WDR33: variants seen among roughly 807,000 people sequenced by gnomAD.
WDR33 encodes WD repeat domain 33.
Under a neutral mutation model 164.9 loss-of-function variants are expected in WDR33, and 47 were observed. The observed-to-expected ratio is 0.29, with a 90% CI of 0.23 to 0.36. The LOEUF is 0.36. Ranked by LOEUF, WDR33 falls within the 10% of genes least tolerant of loss-of-function variation. WDR33 has a pLI of 1.00. For synonymous variants in WDR33, 505 were observed against 589.0 expected (o/e 0.86, Z 2.06); for missense variants, 1,137 against 1,754.1 (o/e 0.65, Z 6.28).
At chr2:127,796,160 C>T (rs1254525211) in intron 1 of WDR33, among the ~76,000 whole-genome samples, 2 of 151,170 alleles carry the variant, frequency 1.3e-5, no homozygotes, top group South Asian at 2.1e-4. Context: ...CAACCTTGAC[C>T]TCCTGGGCTC....
At chr2:127,750,317 C>T (rs774521484) in intron 7 of WDR33, among the ~76,000 whole-genome samples, 4 of 151,816 alleles carry the variant, frequency 2.6e-5, no homozygotes, top group African/African-American at 7.3e-5. Context: ...CATGAGCCAC[C>T]GCACCCAGCT....
chr2:127,763,616 A>G lies in WDR33; in HGVS notation c.627-457T>C, dbSNP rs1687741479. ...CTGAAACAATGTGGGCTGTCTATTA[A>G]AAGACTGATTGCTAAACATCCCTAC... is the stretch of plus-strand genomic sequence containing the variant. On this transcript the variant is annotated intron_variant, in intron 6 of 21. Coordinates refer to ENST00000322313, the MANE Select transcript of WDR33 (RefSeq NM_018383.5). This position sits in a 1 kb window ranked among gnomAD's most constrained non-coding sequence, Gnocchi z 4.5. 1 of 992,328 alleles carries G rather than the reference A, an allele frequency of 1.0e-6. No individual in the cohort carries two copies. Among genetic ancestry groups the G allele is most frequent in the Non-Finnish European group, 1.2e-6 (1 of 834,262 alleles). The allele number at this position is 992,328 out of a possible 1,614,324, so 61.5% of individuals were successfully genotyped here.
rs1208025584 is a variant in WDR33 at position 127,735,813 on chromosome 2, TC to T, written c.725-9037del. ...TATGCAATTTATTAGTATTTTACCTTCCTTTAATGCAAAATGATTTCACCAC... is the reference window on the plus strand; with the variant it reads ...TATGCAATTTATTAGTATTTTACCTTCTTTAATGCAAAATGATTTCACCAC... On this transcript the variant is annotated intron_variant, in intron 7 of 21. Coordinates refer to ENST00000322313, the MANE Select transcript of WDR33 (RefSeq NM_018383.5). The surrounding 1 kb of genome is among the most constrained non-coding windows in gnomAD (Gnocchi z 4.3). 1.0e-6 allele frequency: 1 copy of T among 985,334 alleles called. No individual in the cohort carries two copies. Among genetic ancestry groups the T allele is most frequent in the African/African-American group, 1.7e-5 (1 of 57,252 alleles). 61.0% of individuals were successfully genotyped at this position (985,334 alleles called of 1,614,324 possible).
At chr2:127,794,848 A>G (rs531469221) in intron 1 of WDR33, among the ~76,000 whole-genome samples, 2 of 149,064 alleles carry the variant, frequency 1.3e-5, no homozygotes, top group East Asian at 2.0e-4. Context: ...AAAAAAAAAA[A>G]AAAAGAAAGA....
rs1414715905 is a variant in WDR33, at chr2:127,723,275, C to T, written c.1269G>A (p.Met423Ile). Residue 423 changes from methionine to isoleucine, a missense_variant, in exon 12 of 22, where the codon ATG (methionine) becomes ATA (isoleucine). Physicochemically the swap from Met to Ile is conservative, Grantham distance 10. Around this residue, in one of 9 missense-constraint regions of WDR33, gnomAD observed 21 missense variants for 102.2 expected, o/e 0.21. Coordinates refer to ENST00000322313, the MANE Select transcript of WDR33 (RefSeq NM_018383.5). The surrounding 1 kb of genome is among the most constrained non-coding windows in gnomAD (Gnocchi z 5.9). ...DRYNLNLLPG[M>I]SEDGVEYDDL... Reference sequence around the variant, plus strand: ...CACCATATTCTACTCCATCTTCAGACATTCCAGGTAAAAGGTTTAGATTAT... The same window carrying T: ...CACCATATTCTACTCCATCTTCAGATATTCCAGGTAAAAGGTTTAGATTAT... 7 of 1,614,042 alleles carry T rather than the reference C, an allele frequency of 4.3e-6. No homozygotes were observed. The highest frequency in any genetic ancestry group is 4.5e-5 in the East Asian group (2 of 44,874).
chr2:127,715,700 A>T (rs1430339981), intron 17 of WDR33, among the ~76,000 whole-genome samples: 1 of 152,200 alleles, frequency 6.6e-6, no homozygotes, highest in Non-Finnish European at 1.5e-5. Flanking sequence ...TGGTGTAAGG[A>T]AGCTAAACAT....
At chr2:127,736,333 T>C (rs960230207) in intron 7 of WDR33, 1 of 985,288 alleles carries the variant, frequency 1.0e-6, no homozygotes, top group African/African-American at 1.7e-5. Context: ...TAACCTTTAA[T>C]TTGTAATGTG....
At chr2:127,790,745 G>C (rs1364212257) in intron 1 of WDR33, among the ~76,000 whole-genome samples, 6 of 151,674 alleles carry the variant, frequency 4.0e-5, no homozygotes. Context: ...CAAGTAGCTG[G>C]GACAATAAAC....
At position 127,723,770 on chromosome 2, in the gene WDR33, T is replaced by C. The variant is rs1418676900; in HGVS notation, c.1197-423A>G. On this transcript the variant is annotated intron_variant, in intron 11 of 21. Coordinates refer to ENST00000322313, the MANE Select transcript of WDR33 (RefSeq NM_018383.5). This position sits in a 1 kb window ranked among gnomAD's most constrained non-coding sequence, Gnocchi z 5.9. ...AGTGAGACTCTGTCTCTTAAAATAATAATAAAAATAAAAATAAAATGTGGG... is the reference window on the plus strand; with the variant it reads ...AGTGAGACTCTGTCTCTTAAAATAACAATAAAAATAAAAATAAAATGTGGG... 1.3e-5 allele frequency among the ~76,000 whole-genome samples: 2 copies of C among 150,860 alleles called. No homozygotes were observed. Among genetic ancestry groups the C allele is most frequent in the African/African-American group, 4.9e-5 (2 of 40,930 alleles).
chr2:127,714,303 TGA>T lies in WDR33; in HGVS notation c.2870-284_2870-283del. ...CATCTCTTAGTATACACTGGAAAAA[TGA>T]GAGAGCCTCCTGGGCTTCAGAAGGA... On this transcript the variant is annotated intron_variant, in intron 17 of 21. Coordinates refer to ENST00000322313, the MANE Select transcript of WDR33 (RefSeq NM_018383.5). This position sits in a 1 kb window ranked among gnomAD's most constrained non-coding sequence, Gnocchi z 4.3. 6.6e-6 allele frequency among the ~76,000 whole-genome samples: 1 copy of T among 152,298 alleles called. No individual in the cohort carries two copies. Among genetic ancestry groups the T allele is most frequent in the South Asian group, 2.1e-4 (1 of 4,820 alleles).
intron 7 of WDR33, among the ~76,000 whole-genome samples, chr2:127,731,853 A>G (rs1405045808): frequency 6.6e-6 from 1 of 152,156 alleles, no homozygotes; most frequent in Non-Finnish European, 1.5e-5. Context: ...TGGGAGGCTG[A>G]GGCCGAAGAA....
chr2:127,763,839 TCTAAAAA>T lies in WDR33; in HGVS notation c.627-687_627-681del. ...AAGATCATCAAGTTTCTCAACTAAC[TCTAAAAA>T]CTCCCTTGAACTTTGGAATCCTATG... is the stretch of plus-strand genomic sequence containing the variant. On this transcript the variant is annotated intron_variant, in intron 6 of 21. Transcript: ENST00000322313. The surrounding 1 kb of genome is among the most constrained non-coding windows in gnomAD (Gnocchi z 4.5). The T allele has an allele frequency of 1.0e-6, 1 of 985,580 alleles. No individual in the cohort carries two copies. Among genetic ancestry groups the T allele is most frequent in the Non-Finnish European group, 1.2e-6 (1 of 830,074 alleles). The allele number at this position is 985,580 out of a possible 1,614,324, so 61.1% of individuals were successfully genotyped here. A position where few individuals can be genotyped will look rare whatever the true frequency, so the allele number is the denominator to read the frequency against.
At chr2:127,742,463 C>CCT (rs1030606959) in intron 7 of WDR33, among the ~76,000 whole-genome samples, 1 of 148,758 alleles carries the variant, frequency 6.7e-6, no homozygotes, top group African/African-American at 2.5e-5. Flanking sequence ...GGAGGTCATG[C>CCT]CTACAGTGAG....
In WDR33 at chr2:127,717,069, A is replaced by G; in HGVS notation, c.2869+86T>C. On this transcript the variant is annotated intron_variant, in intron 17 of 21. Coordinates refer to ENST00000322313, the MANE Select transcript of WDR33 (RefSeq NM_018383.5). This position sits in a 1 kb window ranked among gnomAD's most constrained non-coding sequence, Gnocchi z 5.6. ...CAGAGGTTCAAATGACCAGTCTATC[A>G]ATGACTGGCCAACAAAATTATTCAC... is the stretch of plus-strand genomic sequence containing the variant. The G allele has an allele frequency of 2.9e-6, 4 of 1,381,922 alleles. No individual in the cohort carries two copies. The highest frequency in any genetic ancestry group is 4.0e-6 in the Non-Finnish European group (4 of 992,548). The allele number at this position is 1,381,922 out of a possible 1,614,324, so 85.6% of individuals were successfully genotyped here. A position where few individuals can be genotyped will look rare whatever the true frequency, so the allele number is the denominator to read the frequency against.
At chr2:127,796,732 T>C (rs971806397) in intron 1 of WDR33, among the ~76,000 whole-genome samples, 8 of 152,194 alleles carry the variant, frequency 5.3e-5, no homozygotes, top group South Asian at 2.1e-4. Flanking sequence ...CTTTGTATAC[T>C]GCCTTCAGGG....
At chr2:127,760,222 G>A (rs1478976840) in intron 7 of WDR33, among the ~76,000 whole-genome samples, 1 of 152,174 alleles carries the variant, frequency 6.6e-6, no homozygotes, top group Non-Finnish European at 1.5e-5. Flanking sequence ...ATAAGAGTTT[G>A]ACTGTATGAT....
intron 7 of WDR33, chr2:127,736,020 ATGGG>A (rs1319493922): frequency 1.0e-6 from 1 of 985,378 alleles, no homozygotes; most frequent in Non-Finnish European, 1.2e-6. Flanking sequence ...GCATAGAATC[ATGGG>A]TGAAGGGGTC....
rs1055084219 is a variant in WDR33, at chr2:127,738,026, G to GT, written c.725-11250dup. 1 of 1,612,910 alleles carries GT rather than the reference G, an allele frequency of 6.2e-7. No individual in the cohort carries two copies. The highest frequency in any genetic ancestry group is 1.7e-5 in the Admixed American group (1 of 59,854). On this transcript the variant is annotated intron_variant, in intron 7 of 21. Coordinates refer to ENST00000322313, the MANE Select transcript of WDR33 (RefSeq NM_018383.5). This position sits in a 1 kb window ranked among gnomAD's most constrained non-coding sequence, Gnocchi z 4.4. ...TTATTCACCTCTTGACAGAAAGGAA[G>GT]TAACAACGGCAGTGATGAAAACATG...
At position 127,719,339 on chromosome 2, in the gene WDR33, A is replaced by T. The variant is rs1311297742; in HGVS notation, c.2686T>A (p.Ser896Thr). The change falls in exon 16 of 22, where the codon TCT (serine) becomes ACT (threonine). Residue 896 changes from serine (S) to threonine (T), a missense_variant. Ser to Thr is a moderately conservative substitution (Grantham distance 58, BLOSUM62 1). Around this residue, in one of 9 missense-constraint regions of WDR33, gnomAD observed 867 missense variants for 1,073.0 expected, o/e 0.81. Transcript: ENST00000322313. The surrounding 1 kb of genome is among the most constrained non-coding windows in gnomAD (Gnocchi z 6.5). ...QQNPARGPHP[S>T]QGPIPFQQQK... is the part of the protein sequence containing the mutation. ...TGCTGGAATGGTATTGGCCCTTGAG[A>T]TGGATGTGGCCCTCTTGCTGGGTTC... 1.3e-6 allele frequency: 2 copies of T among 1,502,842 alleles called. No homozygotes were observed. Among genetic ancestry groups the T allele is most frequent in the East Asian group, 4.6e-5 (2 of 43,450 alleles). The allele number at this position is 1,502,842 out of a possible 1,614,324, so 93.1% of individuals were successfully genotyped here.
Sources: allele counts gnomAD v4.1 joint callset (sites outside exome capture counted in the v4.1 genomes callset), GRCh38; gene constraint gnomAD v4.1.1; regional missense constraint gnomAD v4.1.1; non-coding constraint Gnocchi (gnomAD v3.1); transcripts MANE v1.5; gene names NCBI Gene and HGNC (gene_info 2026-07-23, HGNC 2026-07-21).